SPAG16: variants seen among roughly 807,000 people sequenced by gnomAD.
The protein encoded by SPAG16 is sperm-associated antigen 16 protein.
In SPAG16, 86 loss-of-function variants were observed where a neutral mutation model predicts 80.4. The ratio of observed to expected loss-of-function variants is 1.07; its 90% CI spans 0.90 to 1.28. The LOEUF is 1.28. SPAG16 is among the 50% of genes most tolerant of loss of function. SPAG16 has a pLI of 0.00. For synonymous variants in SPAG16, 294 were observed against 265.9 expected (o/e 1.11, Z -1.03); for missense variants, 870 against 765.3 (o/e 1.14, Z -1.61).
chr2:214,206,594 G>C (rs758776002), intron 15 of SPAG16, among the ~76,000 whole-genome samples: 1 of 152,058 alleles, frequency 6.6e-6, no homozygotes, highest in African/African-American at 2.4e-5. Flanking sequence ...GAGTACAGTC[G>C]TCTCTTCAAT....
At chr2:214,067,110 T>C (rs1293729971) in intron 13 of SPAG16, among the ~76,000 whole-genome samples, 1 of 152,108 alleles carries the variant, frequency 6.6e-6, no homozygotes, top group Admixed American at 6.5e-5. Context: ...TTTGGTTCCA[T>C]TCACATTAAC....
intron 14 of SPAG16, among the ~76,000 whole-genome samples, chr2:214,118,388 T>G (rs1454597781): frequency 6.6e-6 from 1 of 152,160 alleles, no homozygotes; most frequent in Non-Finnish European, 1.5e-5. Context: ...GAATTAATAT[T>G]GTTAAAATAT....
chr2:213,865,713 A>G (rs1166272755), intron 11 of SPAG16, among the ~76,000 whole-genome samples: 1 of 147,702 alleles, frequency 6.8e-6, no homozygotes, highest in African/African-American at 2.4e-5. Context: ...TAAATTTTTT[A>G]TATATTTATA....
chr2:213,958,478 T>TA (rs142802258), intron 12 of SPAG16, among the ~76,000 whole-genome samples: 2,217 of 152,238 alleles, frequency 0.015, 56 homozygotes, highest in African/African-American at 0.051. Flanking sequence ...ATGATAAAAT[T>TA]AAACCTATAT....
chr2:213,949,179 T>TTTTTTTTTTTTTTTTTTTTTGTTTTTG (rs1553677674), intron 12 of SPAG16, among the ~76,000 whole-genome samples: 5 of 36,240 alleles, frequency 1.4e-4, no homozygotes, highest in African/African-American at 4.1e-4. Context: ...GTTTTTTTTT[T>TTTTTTTTTTTTTTTTTTTTTGTTTTTG]TTTTTTTTTT....
chr2:213,472,528 G>A (rs1211373288), intron 9 of SPAG16, among the ~76,000 whole-genome samples: 5 of 152,150 alleles, frequency 3.3e-5, no homozygotes, highest in African/African-American at 1.2e-4. Context: ...CAGGGATATG[G>A]TATTGTTTTC....
intron 10 of SPAG16, among the ~76,000 whole-genome samples, chr2:213,567,177 T>C (rs1215855910): frequency 6.6e-6 from 1 of 150,830 alleles, no homozygotes; most frequent in Admixed American, 6.6e-5. Context: ...TTTTTTTTTT[T>C]TTTTTTTTGA....
chr2:213,810,575 C>A (rs570531937), intron 10 of SPAG16, among the ~76,000 whole-genome samples: 1 of 152,238 alleles, frequency 6.6e-6, no homozygotes, highest in South Asian at 2.1e-4. Flanking sequence ...AAAGAAAAAT[C>A]TGCTCAGCTA....
chr2:213,808,126 A>T (rs765821410), intron 10 of SPAG16, among the ~76,000 whole-genome samples: 3 of 152,196 alleles, frequency 2.0e-5, no homozygotes, highest in Non-Finnish European at 4.4e-5. Flanking sequence ...CGTATGAATG[A>T]GGCTGTTCTA....
intron 10 of SPAG16, among the ~76,000 whole-genome samples, chr2:213,801,228 T>C (rs186813718): frequency 8.9e-4 from 135 of 152,328 alleles, no homozygotes; most frequent in African/African-American, 2.9e-3. Flanking sequence ...CGTGTGTGTG[T>C]GCGTGCGCGC....
intron 10 of SPAG16, among the ~76,000 whole-genome samples, chr2:213,817,256 GAT>G (rs549146369): frequency 9.1e-4 from 128 of 140,746 alleles, no homozygotes; most frequent in Admixed American, 1.1e-3. Context: ...TTATATATAT[GAT>G]ATATATATAT....
intron 14 of SPAG16, among the ~76,000 whole-genome samples, chr2:214,121,172 G>A (rs1576274958): frequency 6.6e-6 from 1 of 151,696 alleles, no homozygotes; most frequent in Non-Finnish European, 1.5e-5. Context: ...CCACTATGTA[G>A]CATAGTTTGT....
At chr2:213,836,005 G>T (rs953663689) in intron 10 of SPAG16, among the ~76,000 whole-genome samples, 2 of 152,014 alleles carry the variant, frequency 1.3e-5, no homozygotes, top group Non-Finnish European at 2.9e-5. Flanking sequence ...TTGATAAGTG[G>T]TTTCTTTATA....
At chr2:214,086,877 C>T (rs1427004518) in intron 13 of SPAG16, among the ~76,000 whole-genome samples, 1 of 152,152 alleles carries the variant, frequency 6.6e-6, no homozygotes, top group African/African-American at 2.4e-5. Flanking sequence ...AAGTTACTTT[C>T]AGTGAAAGAA....
intron 11 of SPAG16, among the ~76,000 whole-genome samples, chr2:213,911,242 C>T (rs1575528650): frequency 6.6e-6 from 1 of 152,302 alleles, no homozygotes; most frequent in East Asian, 1.9e-4. Flanking sequence ...ACCTCCCGGG[C>T]TCAAGTAATC....
At chr2:214,227,188 T>C (rs959462395) in intron 15 of SPAG16, among the ~76,000 whole-genome samples, 1 of 152,088 alleles carries the variant, frequency 6.6e-6, no homozygotes, top group African/African-American at 2.4e-5. Flanking sequence ...TCCAATTAAT[T>C]TGTGGTCAAA....
chr2:213,482,073 G>A (rs1212991567), intron 9 of SPAG16, among the ~76,000 whole-genome samples: 1 of 152,182 alleles, frequency 6.6e-6, no homozygotes, highest in East Asian at 1.9e-4. Context: ...TTTGGTGTCT[G>A]CACAAAAACC....
At chr2:213,346,967 C>T (rs1423505455) in intron 6 of SPAG16, among the ~76,000 whole-genome samples, 1 of 152,112 alleles carries the variant, frequency 6.6e-6, no homozygotes, top group Non-Finnish European at 1.5e-5. Context: ...ATGGTACCAG[C>T]TCCTCCTTGT....
At chr2:213,689,012 T>G (rs962801156) in intron 10 of SPAG16, among the ~76,000 whole-genome samples, 1 of 152,130 alleles carries the variant, frequency 6.6e-6, no homozygotes, top group Non-Finnish European at 1.5e-5. Context: ...CAGGCTGGAG[T>G]GCAGTGGCTC....
Sources: allele counts gnomAD v4.1 joint callset (sites outside exome capture counted in the v4.1 genomes callset), GRCh38; gene constraint gnomAD v4.1.1; transcripts MANE v1.5; gene names NCBI Gene and HGNC (gene_info 2026-07-23, HGNC 2026-07-21).